WDPCP: variants seen among roughly 807,000 people sequenced by gnomAD.
The protein encoded by WDPCP is WD repeat-containing and planar cell polarity effector protein fritz homolog.
A neutral mutation model predicts 93.1 loss-of-function variants in WDPCP; 71 were observed. The observed-to-expected ratio is 0.76, with a 90% CI of 0.63 to 0.93. WDPCP has a LOEUF of 0.93. Ranked by LOEUF, WDPCP falls within the 40% of genes least tolerant of loss-of-function variation. WDPCP has a pLI of 0.00. For synonymous variants in WDPCP, 315 were observed against 315.0 expected, an observed-to-expected ratio of 1.00 and a Z score of 0.00; for missense variants, 844 against 887.4, an observed-to-expected ratio of 0.95 and a Z score of 0.62.
chr2:63,754,868 G>T (rs750849652), intron 2 of WDPCP, among the ~76,000 whole-genome samples: 18 of 152,186 alleles, frequency 1.2e-4, no homozygotes, highest in Non-Finnish European at 2.5e-4. Flanking sequence ...TTTTGGGTCA[G>T]AAATTTGGAC....
chr2:63,718,318 T>C (rs575660340), intron 2 of WDPCP, among the ~76,000 whole-genome samples: 4 of 152,304 alleles, frequency 2.6e-5, no homozygotes, highest in Admixed American at 6.5e-5. Flanking sequence ...CTTTAGTTAT[T>C]TGAGAAATCT....
At chr2:63,535,928 C>A (rs1361755810) in intron 1 of WDPCP, among the ~76,000 whole-genome samples, 1 of 152,130 alleles carries the variant, frequency 6.6e-6, no homozygotes, top group Non-Finnish European at 1.5e-5. Context: ...AACAGGCAAC[C>A]TACAGAATGG....
intron 1 of WDPCP, among the ~76,000 whole-genome samples, chr2:63,557,563 G>A (rs2106391220): frequency 6.6e-6 from 1 of 152,282 alleles, no homozygotes; most frequent in South Asian, 2.1e-4. Context: ...ATAACAGCTA[G>A]AGACTTTAAC....
intron 17 of WDPCP, among the ~76,000 whole-genome samples, chr2:63,125,561 G>A (rs1669838411): frequency 6.6e-6 from 1 of 152,144 alleles, no homozygotes; most frequent in East Asian, 1.9e-4. Flanking sequence ...CAAAGGAGCT[G>A]GGACTGTAGG....
intron 9 of WDPCP, among the ~76,000 whole-genome samples, chr2:63,430,649 C>T (rs905549240): frequency 2.6e-5 from 4 of 151,744 alleles, no homozygotes; most frequent in Admixed American, 6.6e-5. Context: ...TTTGGGAGGC[C>T]GAGGCGGGCA....
At chr2:63,529,027 A>G (rs1234878643) in intron 1 of WDPCP, among the ~76,000 whole-genome samples, 2 of 152,112 alleles carry the variant, frequency 1.3e-5, no homozygotes, top group South Asian at 2.1e-4. Context: ...TCTATTATTG[A>G]TGTATAAGAA....
intron 2 of WDPCP, among the ~76,000 whole-genome samples, chr2:63,673,958 G>A (rs1327444253): frequency 5.9e-5 from 9 of 152,156 alleles, no homozygotes; most frequent in East Asian, 1.9e-4. Context: ...CCTGCTGGAC[G>A]TGAAGCTGGG....
At chr2:63,575,421 G>GTATATACAGTATATATGCAGTA (rs768124525) in intron 1 of WDPCP, among the ~76,000 whole-genome samples, 2 of 53,740 alleles carry the variant, frequency 3.7e-5, no homozygotes, top group South Asian at 5.8e-4. Flanking sequence ...TATATACACT[G>GTATATACAGTATATATGCAGTA]TATACAGTGT....
chr2:63,788,867 A>C (rs1464922857), intron 2 of WDPCP, among the ~76,000 whole-genome samples: 1 of 152,146 alleles, frequency 6.6e-6, no homozygotes, highest in Non-Finnish European at 1.5e-5. Context: ...GTCAGACTTC[A>C]GTATCACACA....
chr2:63,416,610 A>AC (rs1695448181), intron 9 of WDPCP, among the ~76,000 whole-genome samples: 1 of 139,502 alleles, frequency 7.2e-6, no homozygotes, highest in South Asian at 2.3e-4. Flanking sequence ...TGCAACCTCC[A>AC]CCTCCCTGGT....
chr2:63,188,167 CT>C (rs1674779024), intron 14 of WDPCP, among the ~76,000 whole-genome samples: 1 of 152,036 alleles, frequency 6.6e-6, no homozygotes, highest in African/African-American at 2.4e-5. Context: ...TGGTATGGGT[CT>C]CTTCAGGTTT....
At chr2:63,418,443 A>G (rs1382295815) in intron 9 of WDPCP, among the ~76,000 whole-genome samples, 1 of 152,238 alleles carries the variant, frequency 6.6e-6, no homozygotes, top group Non-Finnish European at 1.5e-5. Context: ...ATCAAGATTA[A>G]TTTGAAGTCT....
In WDPCP at chr2:63,152,029, G is replaced by A. The variant is rs1055806864; in HGVS notation, c.2190+885C>T. 2.6e-5 allele frequency among the ~76,000 whole-genome samples: 4 copies of A among 152,078 alleles called. No homozygotes were observed. The East Asian group carries it at 5.8e-4, about 22-fold the overall frequency. ...TTCCTCTCAAAATGAACTGAGATGC[G>A]ATGTCAGAGACAGAGAGGGAGAAGG... On this transcript the variant is annotated intron_variant, in intron 17 of 17. Transcript: ENST00000272321.
Position 63,810,742 on chromosome 2 carries a change from G to C in WDPCP, n.308+2880C>G, listed in dbSNP as rs147967278. ...AGCAATAGGGAAGCAAGCATTAAAG[G>C]GCTTTTTAAGCAAAGGAGAAACAGG... is the stretch of plus-strand genomic sequence containing the variant. On this transcript the variant is annotated intron_variant and non_coding_transcript_variant, in intron 2 of 4. Coordinates refer to the WDPCP transcript ENST00000467687. Among the ~76,000 whole-genome samples the C allele has an allele frequency of 3.5e-3, 529 of 152,250 alleles. 10 individuals are homozygous for C. The highest frequency in any genetic ancestry group is 1.4e-3 in the Non-Finnish European group (97 of 68,014).
intron 14 of WDPCP, among the ~76,000 whole-genome samples, chr2:63,215,662 T>G (rs563943200): frequency 6.6e-6 from 1 of 152,342 alleles, no homozygotes; most frequent in African/African-American, 2.4e-5. Flanking sequence ...AAGGACTTCA[T>G]GTCTAAAACA....
At chr2:63,635,922 G>A (rs186024055) in intron 3 of WDPCP, among the ~76,000 whole-genome samples, 1 of 152,260 alleles carries the variant, frequency 6.6e-6, no homozygotes, top group African/African-American at 2.4e-5. Flanking sequence ...TAAAATTGCT[G>A]TTTGCAGATG....
At chr2:63,609,405 A>G (rs576838547) in intron 3 of WDPCP, among the ~76,000 whole-genome samples, 221 of 152,148 alleles carry the variant, frequency 1.5e-3, no homozygotes, top group African/African-American at 5.0e-3. Context: ...ACACACTAAT[A>G]AAGGGTACTA....
intron 9 of WDPCP, among the ~76,000 whole-genome samples, chr2:63,415,905 G>C (rs747477351): frequency 1.3e-5 from 2 of 152,142 alleles, no homozygotes; most frequent in South Asian, 4.1e-4. Flanking sequence ...TAATAATATA[G>C]GTAACTTTGC....
At chr2:63,621,321 G>C (rs987636323) in intron 3 of WDPCP, among the ~76,000 whole-genome samples, 3 of 152,024 alleles carry the variant, frequency 2.0e-5, no homozygotes, top group African/African-American at 7.2e-5. Context: ...CCAGTTTAGA[G>C]AAGAACATAA....
Sources: gnomAD v4.1 joint callset for allele counts (sites outside exome capture counted in the v4.1 genomes callset) on GRCh38, gnomAD v4.1.1 for gene constraint, MANE v1.5 for transcripts, NCBI Gene and HGNC (gene_info 2026-07-23, HGNC 2026-07-21) for gene names.